Variants in LARP4 observed in about 807,000 individuals in gnomAD.
The protein encoded by LARP4 is La ribonucleoprotein 4.
In LARP4, 29 loss-of-function variants were observed where a neutral mutation model predicts 92.9. The observed-to-expected ratio is 0.31, with a 90% CI of 0.23 to 0.43. The LOEUF is 0.43. LARP4 is among the 20% of genes least tolerant of loss of function. The probability of loss-of-function intolerance (pLI) is 1.00; values close to 1 mark genes in which losing one functional copy is unlikely to be tolerated. For synonymous variants in LARP4, 279 were observed against 284.1 expected (o/e 0.98, Z 0.18); for missense variants, 732 against 860.0 (o/e 0.85, Z 1.86).
At chr12:50,456,127 A>T (rs1344817811) in intron 10 of LARP4, among the ~76,000 whole-genome samples, 1 of 151,476 alleles carries the variant, frequency 6.6e-6, no homozygotes, top group Non-Finnish European at 1.5e-5. Context: ...CAGTTGCTTG[A>T]CTCTGAAATA....
rs1957159037 is a variant in LARP4, at chr12:50,473,489, CA to C, written c.1622del (p.Asn541IlefsTer2). ...CAGAATGCACTTCTGCCCAGCAACTCAATATGAGTACCAGTTCTCCATGTGC... is the reference window on the plus strand; with the variant it reads ...CAGAATGCACTTCTGCCCAGCAACTCATATGAGTACCAGTTCTCCATGTGC... Reference protein sequence around the residue: ...QTECTSAQQLNMSTSSPCAAE... With the variant: ...QTECTSAQQLXMSTSSPCAAE... On this transcript the variant is annotated frameshift_variant, in exon 14 of 16. Coordinates refer to ENST00000398473, the MANE Select transcript of LARP4 (RefSeq NM_052879.5). LOFTEE classifies it high-confidence loss of function. The C allele has an allele frequency of 6.2e-7, 1 of 1,613,336 alleles. No individual in the cohort carries two copies. The highest frequency in any genetic ancestry group is 1.1e-5 in the South Asian group (1 of 91,068).
At chr12:50,460,906 C>T (rs150598088) in intron 10 of LARP4, among the ~76,000 whole-genome samples, 3,995 of 152,238 alleles carry the variant, frequency 0.026, 71 homozygotes, top group Non-Finnish European at 0.044. Flanking sequence ...TGTGCCACTG[C>T]GCTCCAGCCT....
chr12:50,411,780 A>G (rs1945950527), intron 1 of LARP4, among the ~76,000 whole-genome samples: 1 of 151,846 alleles, frequency 6.6e-6, no homozygotes, highest in African/African-American at 2.4e-5. Context: ...CCCCGAGTTC[A>G]AGTGATTCTC....
chr12:50,474,185 GT>G lies in LARP4; in HGVS notation c.1836+21del. 6.5e-7 allele frequency: 1 copy of G among 1,537,728 alleles called. No individual in the cohort carries two copies. Among genetic ancestry groups the G allele is most frequent in the Non-Finnish European group, 8.8e-7 (1 of 1,137,970 alleles). On this transcript the variant is annotated intron_variant, in intron 15 of 15. Transcript: ENST00000398473. ...CTCTACAGGTAACTTGAAGATTTTA[GT>G]TTATGTTAAAAAAAATACAATAGAT...
intron 8 of LARP4, among the ~76,000 whole-genome samples, chr12:50,443,351 G>A (rs1019199899): frequency 2.0e-5 from 3 of 152,012 alleles, no homozygotes; most frequent in Non-Finnish European, 4.4e-5. Flanking sequence ...GCTCACTGCT[G>A]CCTCGACCTC....
intron 13 of LARP4, among the ~76,000 whole-genome samples, chr12:50,471,702 G>A (rs1416125429): frequency 2.0e-5 from 3 of 152,118 alleles, no homozygotes; most frequent in Non-Finnish European, 4.4e-5. Flanking sequence ...TGTATTTTCA[G>A]TAGAGACAGG....
chr12:50,432,685 C>T (rs918651946), intron 4 of LARP4, among the ~76,000 whole-genome samples: 5 of 151,890 alleles, frequency 3.3e-5, no homozygotes, highest in Non-Finnish European at 5.9e-5. Flanking sequence ...CATGGTGAAA[C>T]CCCATCTCTA....
chr12:50,477,306 A>C lies in LARP4; in HGVS notation c.*1442A>C, dbSNP rs1029541535. The C allele has an allele frequency of 6.6e-6, 1 of 152,516 alleles. No homozygotes were observed. The highest frequency in any genetic ancestry group is 2.4e-5 in the African/African-American group (1 of 41,454). 9.4% of individuals were successfully genotyped at this position (152,516 alleles called of 1,614,324 possible). A position where few individuals can be genotyped will look rare whatever the true frequency, so the allele number is the denominator to read the frequency against. On this transcript the variant is annotated 3_prime_UTR_variant, in exon 16 of 16. Transcript: ENST00000398473. Reference sequence around the variant, plus strand: ...AAAATATTAAAAACCGTGTTGTGTTAATCTGTTTTAAGTCATACCATGTTC... The same window carrying C: ...AAAATATTAAAAACCGTGTTGTGTTCATCTGTTTTAAGTCATACCATGTTC...
intron 1 of LARP4, among the ~76,000 whole-genome samples, chr12:50,417,330 G>A (rs1393399791): frequency 6.7e-6 from 1 of 148,402 alleles, no homozygotes; most frequent in Non-Finnish European, 1.5e-5. Flanking sequence ...AGCCGAGATC[G>A]TGTCACTGCG....
intron 7 of LARP4, chr12:50,441,374 G>A: frequency 2.6e-6 from 1 of 383,638 alleles, no homozygotes; most frequent in Non-Finnish European, 4.8e-6. Context: ...AATGCATTTT[G>A]TCTGCAGTAA....
At chr12:50,474,374 T>C (rs1203766623) in intron 15 of LARP4, among the ~76,000 whole-genome samples, 1 of 151,956 alleles carries the variant, frequency 6.6e-6, no homozygotes, top group Non-Finnish European at 1.5e-5. Flanking sequence ...GGAGACTGAG[T>C]CTTCACTCTG....
chr12:50,426,731 GGTT>G (rs1235806314), intron 1 of LARP4, among the ~76,000 whole-genome samples: 2 of 79,738 alleles, frequency 2.5e-5, no homozygotes, highest in African/African-American at 1.4e-4. Flanking sequence ...GTGTGTGTGT[GGTT>G]TTTTTTTTTT....
rs1401921232 is a variant in LARP4, at chr12:50,427,751, C to T, written c.19-11C>T. The T allele has an allele frequency of 1.4e-6, 2 of 1,473,228 alleles. No individual in the cohort carries two copies. Among genetic ancestry groups the T allele is most frequent in the Admixed American group, 1.9e-5 (1 of 51,404 alleles). 91.3% of individuals were successfully genotyped at this position (1,473,228 alleles called of 1,614,324 possible). On this transcript the variant is annotated splice_polypyrimidine_tract_variant and intron_variant, in intron 1 of 15. Coordinates refer to ENST00000398473, the MANE Select transcript of LARP4 (RefSeq NM_052879.5). The stretch of plus-strand genomic sequence containing the variant: ...TTTAAAAATTTACAAATAGATCCTT[C>T]GATTATTTAGCAGGTAGCATCTAAA...
At chr12:50,432,957 A>G (rs1949895133) in intron 4 of LARP4, among the ~76,000 whole-genome samples, 1 of 151,786 alleles carries the variant, frequency 6.6e-6, no homozygotes, top group South Asian at 2.1e-4. Context: ...ACGAGACCAC[A>G]TAGATTTTAC....
At chr12:50,412,864 G>A (rs796149752) in intron 1 of LARP4, among the ~76,000 whole-genome samples, 2 of 152,198 alleles carry the variant, frequency 1.3e-5, no homozygotes, top group African/African-American at 4.8e-5. Flanking sequence ...AATCTCAAGG[G>A]CTTCTAATCC....
At position 50,412,270 on chromosome 12, in the gene LARP4, GT is replaced by G. The variant is rs201070366; in HGVS notation, c.18+11251del. On this transcript the variant is annotated intron_variant, in intron 1 of 15. Transcript: ENST00000398473. ...AGTTACTTTGGAAGAAATGACAGGT[GT>G]TTTTTTTTCCCCCCCTAAGTACTTG... The G allele has an allele frequency of 6.6e-3, 1,111 of 167,804 alleles. 6 individuals carry two copies. The highest frequency in any genetic ancestry group is 0.03 in the South Asian group (153 of 5,084). 10.4% of individuals were successfully genotyped at this position (167,804 alleles called of 1,614,324 possible). A position where few individuals can be genotyped will look rare whatever the true frequency, so the allele number is the denominator to read the frequency against.
In LARP4 at chr12:50,465,098, G is replaced by A. The variant is rs144551507; in HGVS notation, c.1384-1861G>A. Among the ~76,000 whole-genome samples the A allele has an allele frequency of 8.1e-3, 1,231 of 152,198 alleles. 15 individuals are homozygous for A. Among genetic ancestry groups the A allele is most frequent in the African/African-American group, 0.028 (1,176 of 41,546 alleles). On this transcript the variant is annotated intron_variant, in intron 12 of 15. Coordinates refer to ENST00000398473, the MANE Select transcript of LARP4 (RefSeq NM_052879.5). ...CCCTGCATGGTGGCTCAGGCCAGGC[G>A]TGGTGTCTCACGCCTGTAATCCCAG...
Position 50,479,811 on chromosome 12 carries a change from T to C in LARP4, c.*3947T>C, listed in dbSNP as rs1593541496. The C allele has an allele frequency of 6.6e-6, 1 of 152,330 alleles. No homozygotes were observed. Among genetic ancestry groups the C allele is most frequent in the African/African-American group, 2.4e-5 (1 of 41,448 alleles). The allele number at this position is 152,330 out of a possible 1,614,324, so 9.4% of individuals were successfully genotyped here. A position where few individuals can be genotyped will look rare whatever the true frequency, so the allele number is the denominator to read the frequency against. On this transcript the variant is annotated 3_prime_UTR_variant, in exon 16 of 16. Coordinates refer to ENST00000398473, the MANE Select transcript of LARP4 (RefSeq NM_052879.5). ...TGGGGGTGGGGGTCAGAGCCAGTTA[T>C]CCGGCTTCTGTTTTGTCGATTGCTT... is the stretch of plus-strand genomic sequence containing the variant.
At position 50,470,654 on chromosome 12, in the gene LARP4, G is replaced by A. The variant is rs558051112; in HGVS notation, c.1546-2761G>A. ...TCACCATGTTAGCCAGGGTGGTCTC[G>A]AACTCCTGACCTCAGGTGAGCCACC... On this transcript the variant is annotated intron_variant, in intron 13 of 15. Coordinates refer to ENST00000398473, the MANE Select transcript of LARP4 (RefSeq NM_052879.5). 2.6e-5 allele frequency among the ~76,000 whole-genome samples: 4 copies of A among 152,084 alleles called. No homozygotes were observed. In the South Asian group the frequency reaches 6.2e-4, roughly 24 times the overall value.
Sources: allele counts gnomAD v4.1 joint callset (sites outside exome capture counted in the v4.1 genomes callset), GRCh38; gene constraint gnomAD v4.1.1; transcripts MANE v1.5; gene names NCBI Gene and HGNC (gene_info 2026-07-23, HGNC 2026-07-21).